RIN3: variants seen among roughly 807,000 people sequenced by gnomAD.
RIN3 encodes the protein Ras and Rab interactor 3.
RIN3 carries 54 observed loss-of-function variants against 76.3 expected under a neutral mutation model. The observed-to-expected ratio is 0.71, with a 90% CI of 0.57 to 0.89. The LOEUF is 0.89. Ranked by LOEUF, RIN3 falls within the 40% of genes least tolerant of loss-of-function variation. RIN3 has a pLI of 0.00. For synonymous variants in RIN3, 576 were observed against 564.0 expected (o/e 1.02, Z -0.30); for missense variants, 1,256 against 1,322.1 (o/e 0.95, Z 0.78).
In RIN3 at chr14:92,685,237, C is replaced by T. The variant is rs1254183661; in HGVS notation, c.2631+87C>T. 2.2e-6 allele frequency: 3 copies of T among 1,394,678 alleles called. No homozygotes were observed. Among genetic ancestry groups the T allele is most frequent in the Admixed American group, 4.7e-5 (2 of 42,870 alleles). 86.4% of individuals were successfully genotyped at this position (1,394,678 alleles called of 1,614,324 possible). A position where few individuals can be genotyped will look rare whatever the true frequency, so the allele number is the denominator to read the frequency against. On this transcript the variant is annotated intron_variant, in intron 9 of 9. Coordinates refer to ENST00000216487, the MANE Select transcript of RIN3 (RefSeq NM_024832.5). The surrounding 1 kb of genome is among the most constrained non-coding windows in gnomAD (Gnocchi z 4.7). ...TGCTGGCTAAGGAGCCGTGACATCA[C>T]CTGGCTGCTCCAGCCGCCCAGCCCT...
At chr14:92,611,279 C>G (rs1008814667) in intron 3 of RIN3, among the ~76,000 whole-genome samples, 3 of 134,614 alleles carry the variant, frequency 2.2e-5, no homozygotes, top group African/African-American at 7.8e-5. Flanking sequence ...GTGTCCCATG[C>G]CCTCACATGA....
chr14:92,531,163 A>G (rs966175485), intron 1 of RIN3, among the ~76,000 whole-genome samples: 1 of 152,162 alleles, frequency 6.6e-6, no homozygotes. Flanking sequence ...GCTTACAAAC[A>G]GTGGCTCTGG....
At position 92,534,244 on chromosome 14, in the gene RIN3, T is replaced by TG. The variant is rs1327186945; in HGVS notation, c.44+20268_44+20269insG. Among the ~76,000 whole-genome samples, 6 of 151,086 alleles carry TG rather than the reference T, an allele frequency of 4.0e-5. No individual in the cohort carries two copies. The East Asian group carries it at 1.2e-3, about 29-fold the overall frequency. On this transcript the variant is annotated intron_variant, in intron 1 of 9. Coordinates refer to ENST00000216487, the MANE Select transcript of RIN3 (RefSeq NM_024832.5). ...AATATCCTTTGAGTCATGTCATTTT[T>TG]TTTTTTTTTTTTTTTTACAGATGGG... is the stretch of plus-strand genomic sequence containing the variant.
At chr14:92,628,456 A>G (rs1259489268) in intron 4 of RIN3, among the ~76,000 whole-genome samples, 3 of 152,190 alleles carry the variant, frequency 2.0e-5, no homozygotes, top group Non-Finnish European at 2.9e-5. Flanking sequence ...GTGGGCTCCA[A>G]TCTTAGAGTG....
chr14:92,622,490 A>G (rs1354580374), intron 4 of RIN3, among the ~76,000 whole-genome samples: 1 of 152,230 alleles, frequency 6.6e-6, no homozygotes, highest in African/African-American at 2.4e-5. Flanking sequence ...CACTCAGGCA[A>G]AAGTTTTCTC....
chr14:92,603,358 C>T (rs1885412606), intron 3 of RIN3, among the ~76,000 whole-genome samples: 1 of 152,214 alleles, frequency 6.6e-6, no homozygotes, highest in South Asian at 2.1e-4. Flanking sequence ...CCCCACCCTT[C>T]AGCCCCCTGC....
chr14:92,644,775 C>T (rs11624512), intron 5 of RIN3: 22,998 of 152,252 alleles, frequency 0.15, 1,913 homozygotes, highest in Non-Finnish European at 0.19. Context: ...AGGAGCACAT[C>T]CTATCAAAGG....
chr14:92,559,520 C>G (rs1295356191), intron 2 of RIN3, among the ~76,000 whole-genome samples: 1 of 152,224 alleles, frequency 6.6e-6, no homozygotes, highest in African/African-American at 2.4e-5. Context: ...TACAATCTTA[C>G]CACTGTCCTC....
At chr14:92,611,543 G>A (rs555170401) in intron 3 of RIN3, among the ~76,000 whole-genome samples, 22 of 152,222 alleles carry the variant, frequency 1.4e-4, no homozygotes, top group East Asian at 3.9e-4. Context: ...GTGAGCCATC[G>A]CAGCCAGCCC....
At chr14:92,592,948 A>G (rs949625203) in intron 3 of RIN3, among the ~76,000 whole-genome samples, 2 of 152,068 alleles carry the variant, frequency 1.3e-5, no homozygotes, top group African/African-American at 4.8e-5. Flanking sequence ...TGCTGGGATT[A>G]CAGGCATGAG....
At chr14:92,609,507 A>G (rs764944288) in intron 3 of RIN3, among the ~76,000 whole-genome samples, 6 of 152,182 alleles carry the variant, frequency 3.9e-5, no homozygotes, top group Admixed American at 6.5e-5. Flanking sequence ...CAGCGTGACA[A>G]GTCTCAGGAA....
intron 5 of RIN3, among the ~76,000 whole-genome samples, chr14:92,646,232 C>T (rs562918229): frequency 5.3e-5 from 8 of 152,276 alleles, no homozygotes; most frequent in Non-Finnish European, 7.4e-5. Flanking sequence ...CACCACTTCC[C>T]GCCCCTCGGC....
intron 6 of RIN3, among the ~76,000 whole-genome samples, chr14:92,658,393 G>A (rs1300225581): frequency 6.6e-6 from 1 of 152,244 alleles, no homozygotes; most frequent in African/African-American, 2.4e-5. Flanking sequence ...TGAGCATGGG[G>A]AGCAAGCAAA....
chr14:92,685,398 G>C lies in RIN3; in HGVS notation c.2631+248G>C. On this transcript the variant is annotated intron_variant, in intron 9 of 9. Transcript: ENST00000216487. The surrounding 1 kb of genome is among the most constrained non-coding windows in gnomAD (Gnocchi z 4.7). ...TGTTCTCCCTGGGCAAGCAGGAAGG[G>C]TGCAGGAGGAATGAGACACACCCAT... The C allele has an allele frequency of 1.9e-6, 1 of 514,444 alleles. No homozygotes were observed. Among genetic ancestry groups the C allele is most frequent in the Non-Finnish European group, 3.5e-6 (1 of 283,502 alleles). The allele number at this position is 514,444 out of a possible 1,614,324, so 31.9% of individuals were successfully genotyped here. A position where few individuals can be genotyped will look rare whatever the true frequency, so the allele number is the denominator to read the frequency against.
At chr14:92,620,737 C>T (rs1886146261) in intron 4 of RIN3, among the ~76,000 whole-genome samples, 2 of 152,144 alleles carry the variant, frequency 1.3e-5, no homozygotes, top group East Asian at 3.8e-4. Flanking sequence ...TCAATTTACC[C>T]TGGAGGCTAC....
intron 3 of RIN3, among the ~76,000 whole-genome samples, chr14:92,593,526 C>T (rs958443842): frequency 1.7e-4 from 25 of 150,702 alleles, no homozygotes; most frequent in African/African-American, 5.9e-4. Context: ...GAACATCACA[C>T]ACCAGGGCCT....
At chr14:92,638,063 C>CG (rs1886839001) in intron 4 of RIN3, among the ~76,000 whole-genome samples, 1 of 152,160 alleles carries the variant, frequency 6.6e-6, no homozygotes, top group East Asian at 1.9e-4. Flanking sequence ...CAGCAAACAC[C>CG]CACGTCCTGT....
chr14:92,624,257 G>A lies in RIN3; in HGVS notation c.440+8778G>A, dbSNP rs530864642. On this transcript the variant is annotated intron_variant, in intron 4 of 9. Coordinates refer to ENST00000216487, the MANE Select transcript of RIN3 (RefSeq NM_024832.5). ...GGTCTGGTTAGCAGGTGTAGAAGAGGATAGACGTGGAGATATGAGGGATGG... is the reference window on the plus strand; with the variant it reads ...GGTCTGGTTAGCAGGTGTAGAAGAGAATAGACGTGGAGATATGAGGGATGG... Among the ~76,000 whole-genome samples, 9 of 152,306 alleles carry A rather than the reference G, an allele frequency of 5.9e-5. No homozygotes were observed. The East Asian group carries it at 1.5e-3, about 26-fold the overall frequency.
chr14:92,628,412 T>C (rs1185680839), intron 4 of RIN3, among the ~76,000 whole-genome samples: 3 of 151,900 alleles, frequency 2.0e-5, no homozygotes, highest in Admixed American at 6.6e-5. Context: ...TTTGGGGAGG[T>C]TGAGGTCTGC....
Sources: gnomAD v4.1 joint callset for allele counts (sites outside exome capture counted in the v4.1 genomes callset) on GRCh38, gnomAD v4.1.1 for gene constraint, Gnocchi (gnomAD v3.1) non-coding constraint, MANE v1.5 for transcripts, NCBI Gene and HGNC (gene_info 2026-07-23, HGNC 2026-07-21) for gene names.